The following RGS5 variants were observed in gnomAD, a reference collection of about 807,000 sequenced individuals.
The protein encoded by RGS5 is regulator of G-protein signalling 5.
Under a neutral mutation model 18.9 loss-of-function variants are expected in RGS5, and 20 were observed. That is an observed-to-expected ratio of 1.06 (90% confidence interval 0.74 to 1.54). The LOEUF (loss-of-function observed/expected upper bound fraction) is 1.54. Ranked by LOEUF, RGS5 falls within the 40% of genes most tolerant of loss-of-function variation. The probability of loss-of-function intolerance (pLI) is 0.00; values close to 1 mark genes in which losing one functional copy is unlikely to be tolerated. For missense variants in RGS5, 201 were observed against 211.8 expected, an observed-to-expected ratio of 0.95 and a Z score of 0.32; for synonymous variants, 57 against 76.2, an observed-to-expected ratio of 0.75 and a Z score of 1.31.
intron 4 of RGS5, among the ~76,000 whole-genome samples, chr1:163,148,340 G>A (rs992224743): frequency 2.8e-4 from 43 of 152,140 alleles, no homozygotes; most frequent in African/African-American, 1.0e-3. Flanking sequence ...CATGGCTCCA[G>A]AAGAACAAGA....
chr1:163,172,629 G>A (rs772028494), intron 1 of RGS5: 2 of 1,547,726 alleles, frequency 1.3e-6, no homozygotes, highest in South Asian at 1.2e-5. Context: ...TCAGTGCTTT[G>A]GAAAACACTT....
intron 1 of RGS5, among the ~76,000 whole-genome samples, chr1:163,188,897 G>A (rs1431448649): frequency 1.4e-5 from 2 of 141,592 alleles, no homozygotes; most frequent in African/African-American, 5.2e-5. Context: ...AGGTTGCAGT[G>A]AGCCAAGATC....
At chr1:163,219,620 G>A (rs1284024189), upstream of RGS5, among the ~76,000 whole-genome samples, 1 of 152,056 alleles carries the variant, frequency 6.6e-6, no homozygotes, top group Non-Finnish European at 1.5e-5. Flanking sequence ...TGTAGATGAT[G>A]TTCATGCATT....
chr1:163,167,548 T>C (rs1271768061), intron 2 of RGS5, among the ~76,000 whole-genome samples: 1 of 152,092 alleles, frequency 6.6e-6, no homozygotes, highest in Non-Finnish European at 1.5e-5. Flanking sequence ...TTAGAAGTAA[T>C]AGTTCCCTAG....
chr1:163,258,972 C>G (rs961313076), intron 2 of RGS5, among the ~76,000 whole-genome samples: 22 of 152,046 alleles, frequency 1.4e-4, no homozygotes, highest in Non-Finnish European at 2.5e-4. Context: ...CCACCATGCC[C>G]TGCCAAAATG....
chr1:163,278,140 T>C (rs1244963452), intron 2 of RGS5, among the ~76,000 whole-genome samples: 1 of 151,980 alleles, frequency 6.6e-6, no homozygotes, highest in Admixed American at 6.6e-5. Flanking sequence ...GCAAAAAATA[T>C]AGACATCCAG....
chr1:163,172,436 A>G, intron 1 of RGS5: 1 of 1,054,680 alleles, frequency 9.5e-7, no homozygotes, highest in Admixed American at 2.7e-5. Context: ...GTACCCTACT[A>G]CTATTTTATC....
intron 2 of RGS5, among the ~76,000 whole-genome samples, chr1:163,265,300 A>T (rs1648548402): frequency 6.6e-6 from 1 of 152,104 alleles, no homozygotes; most frequent in Non-Finnish European, 1.5e-5. Context: ...TTGAGCCTAC[A>T]ATCTTAACAT....
chr1:163,199,006 T>C (rs930558255), intron 1 of RGS5, among the ~76,000 whole-genome samples: 5 of 152,098 alleles, frequency 3.3e-5, no homozygotes, highest in African/African-American at 7.2e-5. Context: ...CATTCATCTT[T>C]TCCCAAAGAG....
intron 2 of RGS5, among the ~76,000 whole-genome samples, chr1:163,236,211 C>T (rs1647618471): frequency 2.0e-5 from 3 of 152,064 alleles, no homozygotes; most frequent in African/African-American, 7.2e-5. Context: ...GCAAAAAGTA[C>T]AACAAAATTT....
chr1:163,295,672 C>T (rs1249807492), intron 2 of RGS5, among the ~76,000 whole-genome samples: 1 of 152,086 alleles, frequency 6.6e-6, no homozygotes, highest in Non-Finnish European at 1.5e-5. Context: ...CTTTTTCTAC[C>T]ATCTGTTTAC....
chr1:163,237,870 G>A (rs186618904), intron 2 of RGS5: 1 of 153,880 alleles, frequency 6.5e-6, no homozygotes, highest in East Asian at 1.9e-4. Context: ...ATTACTGGCA[G>A]GCTTCACAAA....
intron 1 of RGS5, among the ~76,000 whole-genome samples, chr1:163,195,202 G>A (rs997352837): frequency 1.3e-5 from 2 of 152,180 alleles, no homozygotes; most frequent in African/African-American, 4.8e-5. Context: ...ATCGACCAGT[G>A]AGTGAGTGGA....
chr1:163,163,634 G>A (rs986145535), intron 2 of RGS5, among the ~76,000 whole-genome samples: 1 of 152,148 alleles, frequency 6.6e-6, no homozygotes, highest in Admixed American at 6.5e-5. Context: ...ACTGTTTTAT[G>A]TACATATTAT....
At chr1:163,252,824 C>T (rs1648146265) in intron 2 of RGS5, among the ~76,000 whole-genome samples, 1 of 152,114 alleles carries the variant, frequency 6.6e-6, no homozygotes, top group Admixed American at 6.5e-5. Flanking sequence ...CAGATGGCCA[C>T]TAGACATGGA....
At chr1:163,258,654 T>C (rs1336833969) in intron 2 of RGS5, among the ~76,000 whole-genome samples, 1 of 94,222 alleles carries the variant, frequency 1.1e-5, no homozygotes, top group African/African-American at 5.0e-5. Flanking sequence ...TCTGTGTGTG[T>C]GTGTGTGTGT....
intron 1 of RGS5, among the ~76,000 whole-genome samples, chr1:163,196,705 T>C (rs533190158): frequency 6.6e-6 from 1 of 152,282 alleles, no homozygotes; most frequent in East Asian, 1.9e-4. Flanking sequence ...TAACAAGGCT[T>C]TCCTCATTAT....
chr1:163,266,956 G>A (rs1048572650), intron 2 of RGS5, among the ~76,000 whole-genome samples: 5 of 152,114 alleles, frequency 3.3e-5, no homozygotes, highest in African/African-American at 9.7e-5. Context: ...AAATAGGGTT[G>A]AAGGTGCTCC....
At chr1:163,265,189 T>C (rs1185319144) in intron 2 of RGS5, among the ~76,000 whole-genome samples, 1 of 152,144 alleles carries the variant, frequency 6.6e-6, no homozygotes, top group Non-Finnish European at 1.5e-5. Flanking sequence ...TAAAGATGGA[T>C]ACCTATTCCA....
Sources: allele counts gnomAD v4.1 joint callset (sites outside exome capture counted in the v4.1 genomes callset), GRCh38; gene constraint gnomAD v4.1.1; transcripts MANE v1.5; gene names NCBI Gene and HGNC (gene_info 2026-07-23, HGNC 2026-07-21).